ACAN: variants seen among roughly 807,000 people sequenced by gnomAD.
The protein encoded by ACAN is aggrecan.
Under a neutral mutation model 169.1 loss-of-function variants are expected in ACAN, and 47 were observed. That is an observed-to-expected ratio of 0.28 (90% confidence interval 0.22 to 0.35). The LOEUF is 0.35. Ranked by LOEUF, ACAN falls within the 10% of genes least tolerant of loss-of-function variation. The pLI is 1.00. For synonymous variants in ACAN, 1,115 were observed against 1,112.2 expected, an observed-to-expected ratio of 1.00 and a Z score of -0.05; for missense variants, 2,716 against 2,759.9, an observed-to-expected ratio of 0.98 and a Z score of 0.36.
At chr15:88,833,827 C>T (rs1317627) in intron 1 of ACAN, among the ~76,000 whole-genome samples, 5 of 150,896 alleles carry the variant, frequency 3.3e-5, no homozygotes, top group African/African-American at 1.2e-4. Flanking sequence ...CACTCCTACA[C>T]CCCCGGACAA....
Position 88,859,134 on chromosome 15 carries a change from C to G in ACAN, c.6549C>G (p.Gly2183=), listed in dbSNP as rs371290730. 1 of 1,613,842 alleles carries G rather than the reference C, an allele frequency of 6.2e-7. No homozygotes were observed. Among genetic ancestry groups the G allele is most frequent in the Non-Finnish European group, 8.5e-7 (1 of 1,179,902 alleles). Residue 2183 remains glycine (G), a synonymous_variant, in exon 12 of 19, where the codon GGC becomes GGG. Transcript: ENST00000560601. ...TTSDVGTEAP[G]LPSATPTASG... ...GTGATGTGGGGACAGAGGCACCAGGCTTGCCTTCAGCCACTCCCACGGCTT... is the reference window on the plus strand; with the variant it reads ...GTGATGTGGGGACAGAGGCACCAGGGTTGCCTTCAGCCACTCCCACGGCTT...
chr15:88,820,762 T>C (rs1444346494), intron 1 of ACAN, among the ~76,000 whole-genome samples: 1 of 152,120 alleles, frequency 6.6e-6, no homozygotes, highest in African/African-American at 2.4e-5. Context: ...TCTCCTTGTA[T>C]TGTAGGAATT....
intron 8 of ACAN, 119 bp from the exon 9 acceptor site, chr15:88,847,792 C>A: frequency 7.6e-7 from 1 of 1,310,452 alleles, no homozygotes; most frequent in Non-Finnish European, 1.0e-6. Context: ...GGTTTGAATA[C>A]CACCAGACAA....
intron 1 of ACAN, among the ~76,000 whole-genome samples, chr15:88,825,654 T>G (rs1896196303): frequency 6.6e-6 from 1 of 152,130 alleles, no homozygotes; most frequent in Admixed American, 6.5e-5. Context: ...CAGGTCCAAG[T>G]CAAAGAGGTA....
At chr15:88,864,307 A>G (rs980538233) in intron 13 of ACAN, among the ~76,000 whole-genome samples, 68 of 151,822 alleles carry the variant, frequency 4.5e-4, no homozygotes, top group African/African-American at 1.6e-3. Context: ...TCGCACTGTC[A>G]TGCAGGCTGG....
intron 1 of ACAN, among the ~76,000 whole-genome samples, chr15:88,804,773 G>A (rs1257538770): frequency 2.0e-5 from 3 of 152,196 alleles, no homozygotes; most frequent in Non-Finnish European, 4.4e-5. Flanking sequence ...GCTGGGTTCT[G>A]ACAGGATCCT....
chr15:88,826,786 A>G (rs1896234952), intron 1 of ACAN, among the ~76,000 whole-genome samples: 1 of 152,038 alleles, frequency 6.6e-6, no homozygotes, highest in African/African-American at 2.4e-5. Context: ...ATCCCCCTTG[A>G]TTTATATTTG....
chr15:88,873,129 C>A lies in ACAN; in HGVS notation c.7447+104C>A. On this transcript the variant is annotated intron_variant, in intron 17 of 18. Coordinates refer to ENST00000560601, the MANE Select transcript of ACAN (RefSeq NM_001369268.1). The surrounding 1 kb of genome is among the most constrained non-coding windows in gnomAD (Gnocchi z 7.5). The stretch of plus-strand genomic sequence containing the variant: ...CTGGGGTGAGTCCCTTGTCTTCTGG[C>A]TGCTGGTGTCTCCTCACTTGTCCAA... 7.1e-7 allele frequency: 1 copy of A among 1,401,118 alleles called. No individual in the cohort carries two copies. The highest frequency in any genetic ancestry group is 9.6e-7 in the Non-Finnish European group (1 of 1,038,942). The allele number at this position is 1,401,118 out of a possible 1,614,324, so 86.8% of individuals were successfully genotyped here.
chr15:88,822,625 C>T (rs565485065), intron 1 of ACAN, among the ~76,000 whole-genome samples: 2 of 152,156 alleles, frequency 1.3e-5, no homozygotes, highest in East Asian at 1.9e-4. Flanking sequence ...TTAGTAGAGA[C>T]GGGGTTTCTC....
At chr15:88,824,631 C>T (rs189346404) in intron 1 of ACAN, among the ~76,000 whole-genome samples, 5 of 152,246 alleles carry the variant, frequency 3.3e-5, no homozygotes, top group Admixed American at 6.5e-5. Flanking sequence ...ATAATCCCAG[C>T]ATTTTGGGAA....
chr15:88,831,698 A>G (rs1896368836), intron 1 of ACAN, among the ~76,000 whole-genome samples: 1 of 152,104 alleles, frequency 6.6e-6, no homozygotes, highest in South Asian at 2.1e-4. Context: ...AACCTACCAT[A>G]TGGCCTTGAG....
rs1895705047 is a variant in ACAN, at chr15:88,807,243, G to T, written c.-8+3434G>T. On this transcript the variant is annotated intron_variant, in intron 1 of 18. Transcript: ENST00000560601. This position sits in a 1 kb window ranked among gnomAD's most constrained non-coding sequence, Gnocchi z 4.0. The stretch of plus-strand genomic sequence containing the variant: ...GTCAGAGAGGAAGCAGGGCATGGAG[G>T]AAGGTCTGCTTATAAGTAGAGCAGG... Among the ~76,000 whole-genome samples, 1 of 152,132 alleles carries T rather than the reference G, an allele frequency of 6.6e-6. No homozygotes were observed. The highest frequency in any genetic ancestry group is 2.4e-5 in the African/African-American group (1 of 41,420).
chr15:88,833,423 T>C (rs995394389), intron 1 of ACAN, among the ~76,000 whole-genome samples: 1 of 152,074 alleles, frequency 6.6e-6, no homozygotes, highest in Non-Finnish European at 1.5e-5. Flanking sequence ...TTCCTCTGCC[T>C]CACCTATGCT....
intron 4 of ACAN, among the ~76,000 whole-genome samples, chr15:88,840,657 G>A (rs979173804): frequency 1.8e-4 from 27 of 151,912 alleles, no homozygotes; most frequent in African/African-American, 6.3e-4. Flanking sequence ...CACTGTGAAG[G>A]CAAGATGATA....
At chr15:88,859,763 T>G (rs1897154262) in intron 12 of ACAN, among the ~76,000 whole-genome samples, 1 of 152,238 alleles carries the variant, frequency 6.6e-6, no homozygotes, top group African/African-American at 2.4e-5. Context: ...CTATCTGTAC[T>G]TGGCACAGGG....
In ACAN at chr15:88,860,384, G is replaced by A. The variant is rs549479070; in HGVS notation, c.6891G>A (p.Glu2297=). Residue 2297 remains glutamate, a synonymous_variant, in exon 13 of 19, where the codon GAG becomes GAA. Transcript: ENST00000560601. ...PCGAGTCKET[E]GHVICLCPPG... is the part of the protein sequence containing the mutation. ...GAGCTGGGACCTGCAAGGAGACAGA[G>A]GGACACGTCATATGCCTGTGCCCCC... The A allele has an allele frequency of 1.2e-6, 2 of 1,613,688 alleles. No individual in the cohort carries two copies. Among genetic ancestry groups the A allele is most frequent in the South Asian group, 1.1e-5 (1 of 91,014 alleles).
chr15:88,847,370 A>G lies in ACAN; in HGVS notation c.1557A>G (p.Ala519=). ...SPEQLQAAYE[A]GYEQCDAGWL... is the part of the protein sequence containing the mutation. ...AGCAGCTCCAGGCCGCCTACGAAGC[A>G]GGCTATGAGCAGTGTGACGCCGGCT... The change falls in exon 8 of 19, where the codon GCA becomes GCG. Residue 519 remains alanine (A), a synonymous_variant. Transcript: ENST00000560601. 2 of 1,594,204 alleles carry G rather than the reference A, an allele frequency of 1.3e-6. No homozygotes were observed. The highest frequency in any genetic ancestry group is 1.7e-6 in the Non-Finnish European group (2 of 1,171,122).
chr15:88,822,174 A>G (rs1391275230), intron 1 of ACAN, among the ~76,000 whole-genome samples: 1 of 152,202 alleles, frequency 6.6e-6, no homozygotes, highest in Non-Finnish European at 1.5e-5. Flanking sequence ...CAAGGTCCCC[A>G]CCGTACATCA....
chr15:88,824,184 C>T (rs953610871), intron 1 of ACAN, among the ~76,000 whole-genome samples: 4 of 151,986 alleles, frequency 2.6e-5, no homozygotes, highest in East Asian at 1.9e-4. Context: ...ATTAGCCAGG[C>T]GTGGTGGCGG....
Sources: gnomAD v4.1 joint callset for allele counts (sites outside exome capture counted in the v4.1 genomes callset) on GRCh38, gnomAD v4.1.1 for gene constraint, Gnocchi (gnomAD v3.1) non-coding constraint, MANE v1.5 for transcripts, NCBI Gene and HGNC (gene_info 2026-07-23, HGNC 2026-07-21) for gene names.